FHIP1A: variants seen among roughly 807,000 people sequenced by gnomAD.
The protein encoded by FHIP1A is FHF complex subunit HOOK-interacting protein 1A.
In FHIP1A, 61 loss-of-function variants were observed where a neutral mutation model predicts 88.6. The ratio of observed to expected loss-of-function variants is 0.69; its 90% CI spans 0.56 to 0.85. FHIP1A has a LOEUF of 0.85. FHIP1A is among the 40% of genes least tolerant of loss of function. The pLI is 0.00. For synonymous variants in FHIP1A, 478 were observed against 496.0 expected, an observed-to-expected ratio of 0.96 and a Z score of 0.48; for missense variants, 1,154 against 1,273.5, an observed-to-expected ratio of 0.91 and a Z score of 1.43.
intron 3 of FHIP1A, among the ~76,000 whole-genome samples, chr4:151,489,159 C>G (rs573900044): frequency 2.8e-4 from 42 of 152,168 alleles, no homozygotes; most frequent in Non-Finnish European, 5.9e-4. Flanking sequence ...CCACTGGGAA[C>G]CTGAAAATCC....
At chr4:151,440,050 G>A (rs1340959527) in intron 1 of FHIP1A, among the ~76,000 whole-genome samples, 2 of 152,124 alleles carry the variant, frequency 1.3e-5, no homozygotes, top group Non-Finnish European at 2.9e-5. Context: ...GCATGGCTGG[G>A]GAGGCTTCAG....
chr4:151,577,976 T>G lies in FHIP1A; in HGVS notation c.632T>G (p.Val211Gly). The G allele has an allele frequency of 1.3e-6, 2 of 1,551,340 alleles. No homozygotes were observed. Among genetic ancestry groups the G allele is most frequent in the Non-Finnish European group, 8.7e-7 (1 of 1,146,930 alleles). ...CCCTTCATTCACCGAGAGGGGTCAGTAGGCCAGCAAGCTCGGGATGCATTG... is the reference window on the plus strand; with the variant it reads ...CCCTTCATTCACCGAGAGGGGTCAGGAGGCCAGCAAGCTCGGGATGCATTG... ...LIPFIHREGS[V>G]GQQARDALLF... The change falls in exon 5 of 14, where the codon GTA becomes GGA. Residue 211 changes from valine to glycine, a missense_variant. Transcript: ENST00000435205.
chr4:151,624,351 A>G (rs2126869337), intron 7 of FHIP1A, among the ~76,000 whole-genome samples: 1 of 152,178 alleles, frequency 6.6e-6, no homozygotes, highest in Admixed American at 6.5e-5. Flanking sequence ...GAGCACCACC[A>G]CTGCCTGTGG....
chr4:151,454,165 A>AGTG (rs60102958), intron 1 of FHIP1A, among the ~76,000 whole-genome samples: 78,871 of 151,686 alleles, frequency 0.52, 20,769 homozygotes, highest in African/African-American at 0.55. Flanking sequence ...ATTATGGAAA[A>AGTG]GTGTTAAAAT....
Position 151,662,870 on chromosome 4 carries a change from T to C in FHIP1A, c.*116T>C. On this transcript the variant is annotated 3_prime_UTR_variant, in exon 14 of 14. Transcript: ENST00000435205. ...CTACTTTAATGTTTCCTGACAATAC[T>C]TGATTTGTGGGGAGGGGAATTTTCT... is the stretch of plus-strand genomic sequence containing the variant. The C allele has an allele frequency of 2.9e-6, 3 of 1,051,446 alleles. No homozygotes were observed. The highest frequency in any genetic ancestry group is 4.1e-5 in the South Asian group (2 of 48,208). 65.1% of individuals were successfully genotyped at this position (1,051,446 alleles called of 1,614,324 possible). A position where few individuals can be genotyped will look rare whatever the true frequency, so the allele number is the denominator to read the frequency against.
chr4:151,629,930 T>C (rs1355029741), intron 8 of FHIP1A, 61 bp downstream of exon 8: 2 of 1,324,970 alleles, frequency 1.5e-6, no homozygotes, highest in Non-Finnish European at 2.1e-6. Context: ...GAGAGTTTTT[T>C]TTTGGGAATG....
intron 1 of FHIP1A, among the ~76,000 whole-genome samples, chr4:151,420,641 A>G (rs1401961215): frequency 1.3e-5 from 2 of 152,222 alleles, no homozygotes; most frequent in African/African-American, 4.8e-5. Flanking sequence ...TATCTTTTAT[A>G]CATTTGTCCT....
intron 3 of FHIP1A, among the ~76,000 whole-genome samples, chr4:151,522,761 CTT>C (rs1451547068): frequency 6.6e-6 from 1 of 152,176 alleles, no homozygotes; most frequent in African/African-American, 2.4e-5. Flanking sequence ...ATTTGTGTGT[CTT>C]TTTTCTTTCA....
chr4:151,510,651 C>T (rs1021253281), intron 3 of FHIP1A, among the ~76,000 whole-genome samples: 1 of 152,160 alleles, frequency 6.6e-6, no homozygotes, highest in Non-Finnish European at 1.5e-5. Context: ...CTTTCTCTTG[C>T]CTTCAAGGAG....
chr4:151,411,558 C>G (rs1238229133), intron 1 of FHIP1A, among the ~76,000 whole-genome samples: 1 of 151,954 alleles, frequency 6.6e-6, no homozygotes, highest in Non-Finnish European at 1.5e-5. Context: ...CCACGTTGCC[C>G]AGGCTGCCCT....
At chr4:151,572,681 T>C (rs925725513) in intron 4 of FHIP1A, among the ~76,000 whole-genome samples, 2 of 152,254 alleles carry the variant, frequency 1.3e-5, no homozygotes, top group South Asian at 2.1e-4. Flanking sequence ...CTTGTTTTTT[T>C]CCACAATGCC....
chr4:151,517,671 C>A (rs957591654), intron 3 of FHIP1A, among the ~76,000 whole-genome samples: 3 of 151,982 alleles, frequency 2.0e-5, no homozygotes, highest in African/African-American at 7.3e-5. Flanking sequence ...CTGTGGTCCC[C>A]TAAGATTATA....
At chr4:151,635,734 G>A (rs975804341) in intron 8 of FHIP1A, among the ~76,000 whole-genome samples, 1 of 151,860 alleles carries the variant, frequency 6.6e-6, no homozygotes, top group African/African-American at 2.4e-5. Flanking sequence ...AGGTGGTAGG[G>A]AAAATGGGGA....
chr4:151,432,152 T>C (rs1167286864), intron 1 of FHIP1A, among the ~76,000 whole-genome samples: 1 of 152,248 alleles, frequency 6.6e-6, no homozygotes, highest in African/African-American at 2.4e-5. Context: ...TCCAATTTAA[T>C]AGAAATTTGT....
rs916107751 is a variant in FHIP1A at position 151,663,449 on chromosome 4, C to T, written c.*695C>T. On this transcript the variant is annotated 3_prime_UTR_variant, in exon 14 of 14. Transcript: ENST00000435205. ...GCTTACTTTAATCAGCATGACACTA[C>T]CTAAACACTGAAGATGGCCTTATAT... 1.3e-5 allele frequency: 2 copies of T among 152,120 alleles called. No individual in the cohort carries two copies. The highest frequency in any genetic ancestry group is 4.8e-5 in the African/African-American group (2 of 41,402). The allele number at this position is 152,120 out of a possible 1,614,324, so 9.4% of individuals were successfully genotyped here. A position where few individuals can be genotyped will look rare whatever the true frequency, so the allele number is the denominator to read the frequency against.
chr4:151,638,146 T>C lies in FHIP1A; in HGVS notation c.1147-531T>C, dbSNP rs947631976. ...ATCTCACCCTCAGCACAATGGGAAA[T>C]GGAACCAAGGAAAATGCCCCAAAGC... On this transcript the variant is annotated intron_variant, in intron 8 of 13. Coordinates refer to ENST00000435205, the MANE Select transcript of FHIP1A (RefSeq NM_001109977.3). 3.3e-5 allele frequency among the ~76,000 whole-genome samples: 5 copies of C among 152,114 alleles called. No individual in the cohort carries two copies. The East Asian group carries it at 9.6e-4, about 29-fold the overall frequency.
chr4:151,564,462 A>G (rs1733300729), intron 3 of FHIP1A, among the ~76,000 whole-genome samples: 1 of 152,192 alleles, frequency 6.6e-6, no homozygotes, highest in Admixed American at 6.5e-5. Context: ...AATGAGGTGA[A>G]GGTTCTGGCA....
Position 151,662,691 on chromosome 4 carries a change from G to C in FHIP1A, c.3060G>C (p.Leu1020Phe). The stretch of plus-strand genomic sequence containing the variant: ...AGTTCCTGAAGGAGCTGGCGGCCTT[G>C]GCCCAGGAACACTCCATTCTGTGCT... ...FPEFLKELAA[L>F]AQEHSILCYK... is the part of the protein sequence containing the mutation. The change falls in exon 14 of 14, where the codon TTG becomes TTC. Residue 1020 changes from leucine to phenylalanine, a missense_variant. By Grantham distance (22) the Leu-to-Phe change is conservative (BLOSUM62 0). Coordinates refer to ENST00000435205, the MANE Select transcript of FHIP1A (RefSeq NM_001109977.3). 6.4e-7 allele frequency: 1 copy of C among 1,550,912 alleles called. No individual in the cohort carries two copies. The highest frequency in any genetic ancestry group is 8.7e-7 in the Non-Finnish European group (1 of 1,146,908).
chr4:151,520,222 G>A (rs981026710), intron 3 of FHIP1A, among the ~76,000 whole-genome samples: 19 of 152,090 alleles, frequency 1.2e-4, no homozygotes, highest in African/African-American at 4.6e-4. Context: ...TATATCTCAA[G>A]TCAGTTTTTT....
Sources: allele counts gnomAD v4.1 joint callset (sites outside exome capture counted in the v4.1 genomes callset), GRCh38; gene constraint gnomAD v4.1.1; transcripts MANE v1.5; gene names NCBI Gene and HGNC (gene_info 2026-07-23, HGNC 2026-07-21).